Variants in ABCB1 observed in about 807,000 individuals in gnomAD.
The protein encoded by ABCB1 is ATP binding cassette subfamily B member 1.
ABCB1 carries 69 observed loss-of-function variants against 142.0 expected under a neutral mutation model. That is an observed-to-expected ratio of 0.49 (90% CI 0.40 to 0.59). The LOEUF (loss-of-function observed/expected upper bound fraction) is 0.59, where lower values mean the gene tolerates loss of function less well. Ranked by LOEUF, ABCB1 falls within the 20% of genes least tolerant of loss-of-function variation. The probability of loss-of-function intolerance (pLI) is 0.00; values close to 1 mark genes in which losing one functional copy is unlikely to be tolerated. For missense variants in ABCB1, 1,326 were observed against 1,554.7 expected (o/e 0.85, Z 2.47); for synonymous variants, 532 against 539.2 (o/e 0.99, Z 0.18).
intron 1 of ABCB1, among the ~76,000 whole-genome samples, chr7:87,701,780 A>G (rs1829059881): frequency 6.6e-6 from 1 of 152,212 alleles, no homozygotes; most frequent in Non-Finnish European, 1.5e-5. Context: ...ACACATTGTT[A>G]CAGATGGAAT....
chr7:87,624,468 T>C (rs1164019571), intron 1 of ABCB1, among the ~76,000 whole-genome samples: 1 of 152,174 alleles, frequency 6.6e-6, no homozygotes, highest in African/African-American at 2.4e-5. Context: ...ACTTGTAATT[T>C]TGTCTGTTTC....
At chr7:87,613,452 T>C (rs1419391324) in intron 1 of ABCB1, among the ~76,000 whole-genome samples, 1 of 151,878 alleles carries the variant, frequency 6.6e-6, no homozygotes, top group Non-Finnish European at 1.5e-5. Context: ...AACAAAGACA[T>C]AGGATTAACC....
intron 9 of ABCB1, among the ~76,000 whole-genome samples, chr7:87,552,525 C>T (rs1288136412): frequency 6.6e-6 from 1 of 151,954 alleles, no homozygotes; most frequent in East Asian, 1.9e-4. Flanking sequence ...ATTTTGGATG[C>T]CTCCAGTGTG....
Position 87,615,083 on chromosome 7 carries a change from C to T in ABCB1, c.-330-14005G>A, listed in dbSNP as rs568766820. On this transcript the variant is annotated intron_variant, in intron 1 of 28. Transcript: ENST00000265724. ...GATGGTCTTGATCTCCTGACCCGCC[C>T]GCCTCGGCCTCCCAAAGTGATGGAA... Among the ~76,000 whole-genome samples the T allele has an allele frequency of 1.7e-3, 260 of 152,152 alleles. 4 individuals carry two copies. Among genetic ancestry groups the T allele is most frequent in the Admixed American group, 0.014 (211 of 15,280 alleles).
intron 1 of ABCB1, among the ~76,000 whole-genome samples, chr7:87,634,846 C>T (rs1821604368): frequency 6.6e-6 from 1 of 152,014 alleles, no homozygotes; most frequent in Non-Finnish European, 1.5e-5. Context: ...GAAGCAGGTT[C>T]AGTATTATTA....
intron 2 of ABCB1, 86 bp from the exon 3 acceptor site, chr7:87,595,900 T>C: frequency 1.9e-6 from 2 of 1,039,304 alleles, no homozygotes; most frequent in South Asian, 1.3e-5. Context: ...GTATATTTAA[T>C]GACTAATAGG....
chr7:87,602,056 G>T (rs1228992922), upstream of ABCB1, among the ~76,000 whole-genome samples: 1 of 151,892 alleles, frequency 6.6e-6, no homozygotes, highest in East Asian at 1.9e-4. Flanking sequence ...TGCAGTGGCA[G>T]GATCTCGGCT....
At chr7:87,710,399 C>T (rs1829969750) in intron 1 of ABCB1, among the ~76,000 whole-genome samples, 1 of 152,126 alleles carries the variant, frequency 6.6e-6, no homozygotes, top group Non-Finnish European at 1.5e-5. Flanking sequence ...AAAATATATA[C>T]TCTAGATAAT....
At chr7:87,668,788 G>C (rs1002262695) in intron 1 of ABCB1, among the ~76,000 whole-genome samples, 1 of 152,172 alleles carries the variant, frequency 6.6e-6, no homozygotes, top group African/African-American at 2.4e-5. Flanking sequence ...GCATGGTTCT[G>C]AGTGATTTTC....
intron 8 of ABCB1, among the ~76,000 whole-genome samples, chr7:87,554,164 T>G (rs1000567941): frequency 6.6e-6 from 1 of 152,212 alleles, no homozygotes; most frequent in African/African-American, 2.4e-5. Flanking sequence ...TAAAATTTCC[T>G]TCTCTGGCTT....
intron 26 of ABCB1, among the ~76,000 whole-genome samples, 181 bp downstream of exon 26, chr7:87,509,094 A>G (rs1457422248): frequency 6.6e-6 from 1 of 152,166 alleles, no homozygotes; most frequent in Non-Finnish European, 1.5e-5. Context: ...GGGTCAGGTG[A>G]TCAGGTAAAG....
chr7:87,515,614 A>T (rs1815205976), intron 24 of ABCB1, among the ~76,000 whole-genome samples, 186 bp from the exon 25 acceptor site: 1 of 151,926 alleles, frequency 6.6e-6, no homozygotes, highest in Non-Finnish European at 1.5e-5. Context: ...TTTTTGAGAC[A>T]GAGTCTCACT....
intron 1 of ABCB1, among the ~76,000 whole-genome samples, chr7:87,686,178 C>A (rs1447111450): frequency 6.6e-6 from 1 of 152,020 alleles, no homozygotes; most frequent in Non-Finnish European, 1.5e-5. Flanking sequence ...TTTTTCTATT[C>A]TCTTTACCTC....
intron 1 of ABCB1, among the ~76,000 whole-genome samples, chr7:87,632,070 T>A (rs552432847): frequency 4.9e-4 from 75 of 152,160 alleles, no homozygotes; most frequent in Non-Finnish European, 6.6e-4. Flanking sequence ...ATTTTGTAAT[T>A]CTCTGCTGAT....
At chr7:87,562,768 A>G (rs1171454483) in intron 7 of ABCB1, among the ~76,000 whole-genome samples, 1 of 151,368 alleles carries the variant, frequency 6.6e-6, no homozygotes, top group African/African-American at 2.4e-5. Context: ...GAAAAGAAAA[A>G]AAAAAAAAAA....
intron 1 of ABCB1, among the ~76,000 whole-genome samples, chr7:87,675,836 A>T (rs951160278): frequency 6.6e-6 from 1 of 152,134 alleles, no homozygotes; most frequent in Non-Finnish European, 1.5e-5. Context: ...AAGCTAATTG[A>T]CATTGTTCTT....
intron 1 of ABCB1, among the ~76,000 whole-genome samples, chr7:87,613,006 G>A (rs1226833254): frequency 8.0e-6 from 1 of 125,382 alleles, no homozygotes; most frequent in Non-Finnish European, 1.8e-5. Flanking sequence ...CCTAGGTTTT[G>A]GTGGGTTTTT....
intron 21 of ABCB1, among the ~76,000 whole-genome samples, chr7:87,523,009 G>A (rs1368677425): frequency 6.6e-6 from 1 of 152,084 alleles, no homozygotes; most frequent in Non-Finnish European, 1.5e-5. Context: ...TAAAAATAGT[G>A]GTGAGATAAA....
chr7:87,650,900 A>G, intron 1 of ABCB1: 1 of 1,612,714 alleles, frequency 6.2e-7, no homozygotes, highest in Non-Finnish European at 8.5e-7. Flanking sequence ...ACAATTTTGC[A>G]GCTATTTTGG....
Sources: gnomAD v4.1 joint callset for allele counts (sites outside exome capture counted in the v4.1 genomes callset) on GRCh38, gnomAD v4.1.1 for gene constraint, MANE v1.5 for transcripts, NCBI Gene and HGNC (gene_info 2026-07-23, HGNC 2026-07-21) for gene names.